Variants in CSGALNACT1 observed in about 807,000 individuals in gnomAD.
CSGALNACT1 encodes the protein chondroitin sulfate N-acetylgalactosaminyltransferase 1.
Under a neutral mutation model 51.0 loss-of-function variants are expected in CSGALNACT1, and 52 were observed. The observed-to-expected ratio is 1.02, with a 90% CI of 0.82 to 1.29. The LOEUF (loss-of-function observed/expected upper bound fraction) is 1.29, where lower values mean the gene tolerates loss of function less well. Ranked by LOEUF, CSGALNACT1 falls within the 50% of genes most tolerant of loss-of-function variation. The probability of loss-of-function intolerance (pLI) is 0.00; values close to 1 mark genes in which losing one functional copy is unlikely to be tolerated. For missense variants in CSGALNACT1, 935 were observed against 679.2 expected (o/e 1.38, Z -4.19); for synonymous variants, 341 against 254.4 (o/e 1.34, Z -3.24).
intron 1 of CSGALNACT1, among the ~76,000 whole-genome samples, chr8:19,667,044 A>AAGGAAGGAAGGAAGGAAGG (rs1564386999): frequency 5.3e-4 from 30 of 56,986 alleles, no homozygotes; most frequent in Admixed American, 1.1e-3. Context: ...AGGAAGGAAG[A>AAGGAAGGAAGGAAGGAAGG]AAGAAAGAAA....
intron 3 of CSGALNACT1, among the ~76,000 whole-genome samples, chr8:19,522,963 G>A (rs1484110969): frequency 6.6e-6 from 1 of 152,172 alleles, no homozygotes; most frequent in African/African-American, 2.4e-5. Flanking sequence ...ATATAACAAG[G>A]CTCAGTTCAA....
chr8:19,480,245 G>A (rs1371730648), intron 4 of CSGALNACT1, among the ~76,000 whole-genome samples: 15 of 152,066 alleles, frequency 9.9e-5, no homozygotes, highest in Admixed American at 9.8e-4. Context: ...TATTTTTCCT[G>A]GTCCTCTCCT....
chr8:19,503,508 T>G (rs1467390962), intron 4 of CSGALNACT1, among the ~76,000 whole-genome samples: 2 of 152,284 alleles, frequency 1.3e-5, no homozygotes, highest in Non-Finnish European at 2.9e-5. Context: ...CAAGTTCTTT[T>G]GAAACTGCTC....
chr8:19,711,577 T>A (rs1564458150), intron 1 of CSGALNACT1, among the ~76,000 whole-genome samples: 1 of 152,148 alleles, frequency 6.6e-6, no homozygotes, highest in East Asian at 1.9e-4. Flanking sequence ...CATGTAAAAA[T>A]TAATATATTT....
At chr8:19,491,864 C>T (rs973216062) in intron 4 of CSGALNACT1, among the ~76,000 whole-genome samples, 1 of 152,158 alleles carries the variant, frequency 6.6e-6, no homozygotes, top group African/African-American at 2.4e-5. Context: ...ATTTACATTC[C>T]ACACACTTTA....
chr8:19,434,783 T>A (rs547037239), intron 6 of CSGALNACT1, among the ~76,000 whole-genome samples: 1 of 152,166 alleles, frequency 6.6e-6, no homozygotes, highest in African/African-American at 2.4e-5. Flanking sequence ...AGGGATCTAC[T>A]GTGCAGCTTA....
chr8:19,599,705 A>T (rs2049979489), intron 2 of CSGALNACT1, among the ~76,000 whole-genome samples: 1 of 152,194 alleles, frequency 6.6e-6, no homozygotes, highest in Admixed American at 6.5e-5. Flanking sequence ...AAGCTACCAC[A>T]GTAGCAGGAC....
chr8:19,518,596 G>C (rs1336238749), intron 3 of CSGALNACT1, among the ~76,000 whole-genome samples: 1 of 152,166 alleles, frequency 6.6e-6, no homozygotes, highest in Non-Finnish European at 1.5e-5. Flanking sequence ...TTTCTGCTCT[G>C]AGACTCCTTT....
chr8:19,636,921 G>A (rs1468653164), intron 1 of CSGALNACT1, among the ~76,000 whole-genome samples: 2 of 152,082 alleles, frequency 1.3e-5, no homozygotes, highest in Admixed American at 6.5e-5. Context: ...GGCCAGGCAT[G>A]GTGGCTCAAG....
At chr8:19,452,814 A>G (rs796767238) in intron 5 of CSGALNACT1, among the ~76,000 whole-genome samples, 13 of 152,144 alleles carry the variant, frequency 8.5e-5, no homozygotes, top group African/African-American at 3.1e-4. Context: ...CAAAACTCAC[A>G]TATCCATCCC....
intron 3 of CSGALNACT1, among the ~76,000 whole-genome samples, chr8:19,520,958 G>A (rs138586869): frequency 3.9e-5 from 6 of 152,174 alleles, no homozygotes; most frequent in Admixed American, 1.3e-4. Flanking sequence ...CTACAGAGGT[G>A]CTTTCGCAGA....
chr8:19,645,267 C>G (rs1042616989), intron 1 of CSGALNACT1, among the ~76,000 whole-genome samples: 2 of 152,202 alleles, frequency 1.3e-5, no homozygotes, highest in African/African-American at 4.8e-5. Context: ...CTTTAGGCAG[C>G]ATGATGCAAC....
chr8:19,489,232 C>A (rs1032463969), intron 4 of CSGALNACT1, among the ~76,000 whole-genome samples: 1 of 152,054 alleles, frequency 6.6e-6, no homozygotes, highest in Non-Finnish European at 1.5e-5. Context: ...AAATAAATTG[C>A]CCTTCTATTT....
intron 3 of CSGALNACT1, among the ~76,000 whole-genome samples, chr8:19,577,600 T>A (rs564289005): frequency 6.4e-4 from 97 of 151,488 alleles, no homozygotes; most frequent in African/African-American, 2.3e-3. Flanking sequence ...AGGAAAATTT[T>A]AATTAGCAAC....
chr8:19,456,756 C>G (rs765690199), intron 5 of CSGALNACT1, among the ~76,000 whole-genome samples: 14 of 152,160 alleles, frequency 9.2e-5, no homozygotes, highest in Non-Finnish European at 1.6e-4. Flanking sequence ...GCCCACTCTA[C>G]TTTGGATTAC....
intron 1 of CSGALNACT1, among the ~76,000 whole-genome samples, chr8:19,661,015 C>T (rs371396749): frequency 7.9e-5 from 12 of 152,038 alleles, no homozygotes; most frequent in East Asian, 3.9e-4. Context: ...TGGGTTCAAG[C>T]GAATCTCCTG....
At chr8:19,641,303 G>T (rs1409629690) in intron 1 of CSGALNACT1, among the ~76,000 whole-genome samples, 2 of 151,982 alleles carry the variant, frequency 1.3e-5, no homozygotes, top group Non-Finnish European at 2.9e-5. Context: ...TTTCTCCAGT[G>T]ATAACAGATG....
At chr8:19,460,430 T>A (rs2065108651) in intron 4 of CSGALNACT1, among the ~76,000 whole-genome samples, 1 of 152,204 alleles carries the variant, frequency 6.6e-6, no homozygotes, top group East Asian at 1.9e-4. Context: ...ATACAATAGC[T>A]AGGGTTCAGA....
intron 6 of CSGALNACT1, among the ~76,000 whole-genome samples, chr8:19,428,246 A>G (rs966600886): frequency 4.6e-5 from 7 of 152,194 alleles, no homozygotes; most frequent in Non-Finnish European, 7.3e-5. Flanking sequence ...TCACACTGCT[A>G]ATAAAGACAT....
Sources: gnomAD v4.1 joint callset for allele counts (sites outside exome capture counted in the v4.1 genomes callset) on GRCh38, gnomAD v4.1.1 for gene constraint, MANE v1.5 for transcripts, NCBI Gene and HGNC (gene_info 2026-07-23, HGNC 2026-07-21) for gene names.